Variants in FBXO31 observed in about 807,000 individuals in gnomAD.
FBXO31 encodes the protein F-box only protein 31.
A neutral mutation model predicts 54.4 loss-of-function variants in FBXO31; 24 were observed. The ratio of observed to expected loss-of-function variants is 0.44; its 90% CI spans 0.32 to 0.62. The LOEUF (loss-of-function observed/expected upper bound fraction) is 0.62, where lower values mean the gene tolerates loss of function less well. Ranked by LOEUF, FBXO31 falls within the 20% of genes least tolerant of loss-of-function variation. The pLI, the probability that FBXO31 is intolerant of heterozygous loss-of-function variation, is 0.05. For synonymous variants in FBXO31, 388 were observed against 335.6 expected, an observed-to-expected ratio of 1.16 and a Z score of -1.71; for missense variants, 665 against 787.1, an observed-to-expected ratio of 0.84 and a Z score of 1.86.
chr16:87,364,796 CGG>C (rs1906282703), intron 1 of FBXO31, among the ~76,000 whole-genome samples: 1 of 151,204 alleles, frequency 6.6e-6, no homozygotes, highest in South Asian at 2.1e-4. Flanking sequence ...CCAGGGCAGG[CGG>C]ATTACCTGAG....
rs751339825 is a variant in FBXO31, at chr16:87,353,204, G to A, written c.413-5954C>T. 6.0e-4 allele frequency among the ~76,000 whole-genome samples: 91 copies of A among 152,278 alleles called. 1 individual carries two copies. The Middle Eastern group carries it at 0.01, about 17-fold the overall frequency. On this transcript the variant is annotated intron_variant, in intron 2 of 8. Transcript: ENST00000311635. ...TGGGTCCTCCTCCACTTTCAGAGCC[G>A]CATGCAGCCTCTCCTGCCTCTCACT...
At chr16:87,352,316 T>G (rs116672160) in intron 2 of FBXO31, among the ~76,000 whole-genome samples, 1 of 152,108 alleles carries the variant, frequency 6.6e-6, no homozygotes, top group African/African-American at 2.4e-5. Flanking sequence ...AAAAATTAAA[T>G]AGATGATTTA....
chr16:87,377,283 A>G (rs1906865656), intron 1 of FBXO31, among the ~76,000 whole-genome samples: 1 of 152,190 alleles, frequency 6.6e-6, no homozygotes, highest in Non-Finnish European at 1.5e-5. Flanking sequence ...TGTCTCTATA[A>G]AAAGATACAA....
At chr16:87,348,080 C>A (rs1416510479) in intron 2 of FBXO31, among the ~76,000 whole-genome samples, 1 of 152,192 alleles carries the variant, frequency 6.6e-6, no homozygotes, top group East Asian at 1.9e-4. Flanking sequence ...CAGGCCTTCA[C>A]CCCATGGGGT....
chr16:87,334,412 C>T (rs1904976958), intron 7 of FBXO31, 126 bp from the exon 8 acceptor site: 6 of 816,672 alleles, frequency 7.3e-6, no homozygotes, highest in Admixed American at 2.8e-5. Flanking sequence ...GACTTAGCAA[C>T]GTCCCTTACA....
chr16:87,358,564 A>G lies in FBXO31; in HGVS notation c.412+1731T>C, dbSNP rs72806222. ...TTACAGGACTGTGCAAACAGCGTGA[A>G]TACGACCCAATGCCTGCCCCTCACC... On this transcript the variant is annotated intron_variant, in intron 2 of 8. Coordinates refer to ENST00000311635, the MANE Select transcript of FBXO31 (RefSeq NM_024735.5). This position sits in a 1 kb window ranked among gnomAD's most constrained non-coding sequence, Gnocchi z 4.0. 1,070 of 152,836 alleles carry G rather than the reference A, an allele frequency of 7.0e-3. 11 individuals carry two copies. Among genetic ancestry groups the G allele is most frequent in the Non-Finnish European group, 0.012 (846 of 68,098 alleles). The allele number at this position is 152,836 out of a possible 1,614,324, so 9.5% of individuals were successfully genotyped here.
Position 87,383,633 on chromosome 16 carries a change from C to A in FBXO31, c.112G>T (p.Asp38Tyr). The change falls in exon 1 of 9, where the codon GAC becomes TAC. Residue 38 changes from aspartate (D) to tyrosine (Y), a missense_variant. Transcript: ENST00000311635. The surrounding 1 kb of genome is among the most constrained non-coding windows in gnomAD (Gnocchi z 4.9). Reference sequence around the variant, plus strand: ...GCCTCGATGCGCTCCTCCTCGGGGTCTGTGTCCGGCTCGCTGTCGGCCGCC... The same window carrying A: ...GCCTCGATGCGCTCCTCCTCGGGGTATGTGTCCGGCTCGCTGTCGGCCGCC... ...TAAADSEPDTDPEEERIEASA... is the reference protein window; with the variant it reads ...TAAADSEPDTYPEEERIEASA... The A allele has an allele frequency of 7.2e-7, 1 of 1,387,674 alleles. No homozygotes were observed. The highest frequency in any genetic ancestry group is 1.6e-5 in the South Asian group (1 of 61,284). The allele number at this position is 1,387,674 out of a possible 1,614,324, so 86.0% of individuals were successfully genotyped here.
chr16:87,360,049 G>A (rs1456830636), intron 2 of FBXO31, among the ~76,000 whole-genome samples: 4 of 152,216 alleles, frequency 2.6e-5, no homozygotes, highest in Admixed American at 2.0e-4. Flanking sequence ...ACATTTCTCA[G>A]CTCTAAAGGG....
At chr16:87,351,166 A>C (rs965512724) in intron 2 of FBXO31, among the ~76,000 whole-genome samples, 4 of 152,210 alleles carry the variant, frequency 2.6e-5, no homozygotes, top group African/African-American at 9.6e-5. Context: ...ACGCACTTTA[A>C]AAAGAGTCCT....
intron 5 of FBXO31, among the ~76,000 whole-genome samples, chr16:87,337,187 T>C (rs924740685): frequency 2.6e-5 from 4 of 152,204 alleles, no homozygotes; most frequent in Admixed American, 1.3e-4. Context: ...AAAAATTCTA[T>C]GTACAAAATC....
intron 1 of FBXO31, among the ~76,000 whole-genome samples, chr16:87,380,840 T>G (rs1181602082): frequency 6.6e-6 from 1 of 152,222 alleles, no homozygotes; most frequent in Non-Finnish European, 1.5e-5. Flanking sequence ...CCATCAGGAC[T>G]TTTCACATTT....
In FBXO31 at chr16:87,338,591, C is replaced by T. The variant is rs1039729028; in HGVS notation, c.733-2327G>A. 1.4e-4 allele frequency among the ~76,000 whole-genome samples: 21 copies of T among 152,150 alleles called. No individual in the cohort carries two copies. Among genetic ancestry groups the T allele is most frequent in the Admixed American group, 9.8e-4 (15 of 15,280 alleles). On this transcript the variant is annotated intron_variant, in intron 5 of 8. Transcript: ENST00000311635. The surrounding 1 kb of genome is among the most constrained non-coding windows in gnomAD (Gnocchi z 4.3). ...GCGTCCCATTTCTCACAAGGACCCACGGCTGAGGGAACCCACAACCCTGGG... is the reference window on the plus strand; with the variant it reads ...GCGTCCCATTTCTCACAAGGACCCATGGCTGAGGGAACCCACAACCCTGGG...
chr16:87,388,708 C>G (rs1333105895), upstream of FBXO31: 1 of 152,236 alleles, frequency 6.6e-6, no homozygotes, highest in African/African-American at 2.4e-5. Flanking sequence ...GCTGGGCCAT[C>G]ACATTCAATT....
At chr16:87,340,876 G>GA (rs1231992560) in intron 5 of FBXO31, among the ~76,000 whole-genome samples, 1 of 152,052 alleles carries the variant, frequency 6.6e-6, no homozygotes, top group Non-Finnish European at 1.5e-5. Flanking sequence ...AAAGGAATAA[G>GA]AAAAAAACCT....
At chr16:87,344,101 C>A (rs1905281138) in intron 3 of FBXO31, among the ~76,000 whole-genome samples, 1 of 152,258 alleles carries the variant, frequency 6.6e-6, no homozygotes, top group South Asian at 2.1e-4. Flanking sequence ...AATTGCCATT[C>A]AAAGGAGGCT....
chr16:87,342,115 G>C (rs1905213858), intron 5 of FBXO31, among the ~76,000 whole-genome samples: 2 of 152,144 alleles, frequency 1.3e-5, no homozygotes, highest in Admixed American at 6.5e-5. Context: ...ACCCACATGG[G>C]AGTGCGGTGG....
intron 1 of FBXO31, 89 bp from the exon 2 acceptor site, chr16:87,360,455 T>G (rs1597371843): frequency 9.1e-7 from 1 of 1,094,198 alleles, no homozygotes. Context: ...GCAGGGGAGG[T>G]GCACACCTAG....
intron 1 of FBXO31, among the ~76,000 whole-genome samples, chr16:87,382,340 C>G (rs1235244591): frequency 6.6e-6 from 1 of 152,190 alleles, no homozygotes; most frequent in Non-Finnish European, 1.5e-5. Context: ...TTTTTGACTG[C>G]TGGGGTCTCT....
rs372176045 is a variant in FBXO31 at position 87,336,118 on chromosome 16, G to C, written c.842+37C>G. The C allele has an allele frequency of 6.3e-7, 1 of 1,575,408 alleles. No homozygotes were observed. The highest frequency in any genetic ancestry group is 1.3e-5 in the African/African-American group (1 of 74,282). Reference sequence around the variant, plus strand: ...GGCTGGTCCCCAGCACACACCAGGAGAGGGCTACCCCAGCACCGAGCAGGA... The same window carrying C: ...GGCTGGTCCCCAGCACACACCAGGACAGGGCTACCCCAGCACCGAGCAGGA... On this transcript the variant is annotated intron_variant, in intron 6 of 8. Transcript: ENST00000311635. The surrounding 1 kb of genome is among the most constrained non-coding windows in gnomAD (Gnocchi z 6.5).
Sources: allele counts gnomAD v4.1 joint callset (sites outside exome capture counted in the v4.1 genomes callset), GRCh38; gene constraint gnomAD v4.1.1; non-coding constraint Gnocchi (gnomAD v3.1); transcripts MANE v1.5; gene names NCBI Gene and HGNC (gene_info 2026-07-23, HGNC 2026-07-21).